ZC2HC1B: variants seen among roughly 807,000 people sequenced by gnomAD.
ZC2HC1B encodes the protein zinc finger C2HC domain-containing protein 1B.
ZC2HC1B carries 36 observed loss-of-function variants against 31.0 expected under a neutral mutation model. That is an observed-to-expected ratio of 1.16 (90% CI 0.89 to 1.54). ZC2HC1B has a LOEUF of 1.54. ZC2HC1B is among the 40% of genes most tolerant of loss of function. The pLI is 0.00. For synonymous variants in ZC2HC1B, 73 were observed against 88.0 expected (o/e 0.83, Z 0.95); for missense variants, 260 against 268.6 (o/e 0.97, Z 0.22).
At position 143,872,290 on chromosome 6, in the gene ZC2HC1B, A is replaced by G. The variant is rs1377593860; in HGVS notation, c.28+7723A>G. Among the ~76,000 whole-genome samples, 2 of 152,166 alleles carry G rather than the reference A, an allele frequency of 1.3e-5. No homozygotes were observed. The highest frequency in any genetic ancestry group is 4.8e-5 in the African/African-American group (2 of 41,446). ...TATAATTCAGATTAGTCTTTTGTCCATTTGACCTAGAAGTTTTCTGCTTAT... is the reference window on the plus strand; with the variant it reads ...TATAATTCAGATTAGTCTTTTGTCCGTTTGACCTAGAAGTTTTCTGCTTAT... On this transcript the variant is annotated intron_variant, in intron 1 of 7. Coordinates refer to ENST00000237275, the MANE Select transcript of ZC2HC1B (RefSeq NM_001013623.3). The surrounding 1 kb of genome is among the most constrained non-coding windows in gnomAD (Gnocchi z 5.5).
intron 1 of ZC2HC1B, among the ~76,000 whole-genome samples, chr6:143,882,234 A>G (rs1777475921): frequency 6.6e-6 from 1 of 150,514 alleles, no homozygotes; most frequent in Non-Finnish European, 1.5e-5. Context: ...ATTATCCTTC[A>G]CTAGTGTTTT....
intron 6 of ZC2HC1B, among the ~76,000 whole-genome samples, chr6:143,937,272 A>G (rs1420311135): frequency 6.6e-6 from 1 of 152,194 alleles, no homozygotes; most frequent in Non-Finnish European, 1.5e-5. Flanking sequence ...AAGTCTTCTC[A>G]TGTGAGAGCT....
intron 6 of ZC2HC1B, among the ~76,000 whole-genome samples, chr6:143,919,641 T>C (rs1283995684): frequency 6.6e-6 from 1 of 152,186 alleles, no homozygotes; most frequent in African/African-American, 2.4e-5. Context: ...ATTTGGGTTC[T>C]TATTTGCCTA....
In ZC2HC1B at chr6:143,884,185, G is replaced by T; in HGVS notation, c.29-119G>T. 1 of 832,762 alleles carries T rather than the reference G, an allele frequency of 1.2e-6. No individual in the cohort carries two copies. Among genetic ancestry groups the T allele is most frequent in the Non-Finnish European group, 1.8e-6 (1 of 555,074 alleles). The allele number at this position is 832,762 out of a possible 1,614,324, so 51.6% of individuals were successfully genotyped here. On this transcript the variant is annotated intron_variant, in intron 1 of 7. Transcript: ENST00000237275. The surrounding 1 kb of genome is among the most constrained non-coding windows in gnomAD (Gnocchi z 5.1). ...GTCTTCCCAAAGGGAAGAAGCAGTT[G>T]GTGGGGAGGGAAAAGAGAGTGAGGA...
At chr6:143,889,817 T>A (rs1350500563) in intron 4 of ZC2HC1B, among the ~76,000 whole-genome samples, 1 of 152,126 alleles carries the variant, frequency 6.6e-6, no homozygotes, top group African/African-American at 2.4e-5. Flanking sequence ...TTTGACCTAA[T>A]TGACATTTAT....
intron 6 of ZC2HC1B, among the ~76,000 whole-genome samples, chr6:143,919,574 T>C (rs1777964428): frequency 1.3e-5 from 2 of 152,128 alleles, no homozygotes; most frequent in Admixed American, 6.5e-5. Context: ...TGTACCTCTT[T>C]GATCAGAAAC....
chr6:143,890,170 A>G (rs1468273720), intron 4 of ZC2HC1B, among the ~76,000 whole-genome samples: 1 of 152,154 alleles, frequency 6.6e-6, no homozygotes, highest in Non-Finnish European at 1.5e-5. Flanking sequence ...AGGGAATTTT[A>G]TAGCTTTAAA....
chr6:143,901,826 C>CT (rs1318178528), intron 5 of ZC2HC1B, among the ~76,000 whole-genome samples: 2 of 152,112 alleles, frequency 1.3e-5, no homozygotes, highest in Non-Finnish European at 2.9e-5. Context: ...AATATGACTA[C>CT]TTTGGGCTTG....
intron 6 of ZC2HC1B, among the ~76,000 whole-genome samples, chr6:143,916,964 G>T (rs1395447390): frequency 6.6e-6 from 1 of 152,216 alleles, no homozygotes; most frequent in Non-Finnish European, 1.5e-5. Context: ...GATTGGTTTT[G>T]AAATGTGAAG....
chr6:143,887,111 C>A lies in ZC2HC1B; in HGVS notation c.349+290C>A, dbSNP rs1777539824. 2.0e-5 allele frequency among the ~76,000 whole-genome samples: 3 copies of A among 152,126 alleles called. No individual in the cohort carries two copies. The highest frequency in any genetic ancestry group is 2.0e-4 in the Admixed American group (3 of 15,272). The stretch of plus-strand genomic sequence containing the variant: ...TATGGAGCTATGCAGAGCAAACTAA[C>A]CAACTCTGCAACAGCCCCATCGTGT... On this transcript the variant is annotated intron_variant, in intron 4 of 7. Coordinates refer to ENST00000237275, the MANE Select transcript of ZC2HC1B (RefSeq NM_001013623.3). This position sits in a 1 kb window ranked among gnomAD's most constrained non-coding sequence, Gnocchi z 5.1.
At position 143,885,628 on chromosome 6, in the gene ZC2HC1B, G is replaced by A. The variant is rs570719314; in HGVS notation, c.91-404G>A. ...ACATCCACGAAGGGAGAGGGCCAAGGTCCCATAGTGGTACAGTAGCACATT... is the reference window on the plus strand; with the variant it reads ...ACATCCACGAAGGGAGAGGGCCAAGATCCCATAGTGGTACAGTAGCACATT... On this transcript the variant is annotated intron_variant, in intron 2 of 7. Transcript: ENST00000237275. The surrounding 1 kb of genome is among the most constrained non-coding windows in gnomAD (Gnocchi z 4.2). Among the ~76,000 whole-genome samples, 39 of 152,170 alleles carry A rather than the reference G, an allele frequency of 2.6e-4. No homozygotes were observed. The highest frequency in any genetic ancestry group is 5.7e-4 in the Non-Finnish European group (39 of 68,030).
rs867795020 is a variant in ZC2HC1B, at chr6:143,881,223, T to G, written c.29-3081T>G. ...GAAGATGGGCTCGTTTCACCCAGCA[T>G]TGAAATCCATCCAGATTATTGCATG... On this transcript the variant is annotated intron_variant, in intron 1 of 7. Coordinates refer to ENST00000237275, the MANE Select transcript of ZC2HC1B (RefSeq NM_001013623.3). 2.6e-5 allele frequency among the ~76,000 whole-genome samples: 4 copies of G among 152,146 alleles called. No individual in the cohort carries two copies. The South Asian group carries it at 8.3e-4, about 31-fold the overall frequency.
intron 6 of ZC2HC1B, among the ~76,000 whole-genome samples, chr6:143,909,213 A>G (rs1022798678): frequency 1.3e-5 from 2 of 151,998 alleles, no homozygotes; most frequent in Non-Finnish European, 2.9e-5. Context: ...CATCAAGGGT[A>G]TTGGCCTGAA....
chr6:143,894,917 T>TA (rs1368993603), intron 4 of ZC2HC1B, among the ~76,000 whole-genome samples: 5 of 152,056 alleles, frequency 3.3e-5, no homozygotes, highest in Non-Finnish European at 7.4e-5. Context: ...ATTGTTTCTC[T>TA]AAAAAAAATT....
chr6:143,873,097 A>G (rs112947149), intron 1 of ZC2HC1B, among the ~76,000 whole-genome samples: 7,392 of 152,298 alleles, frequency 0.049, 466 homozygotes, highest in African/African-American at 0.14. Flanking sequence ...TACTTCCTAG[A>G]TAAAATGAGG....
intron 1 of ZC2HC1B, among the ~76,000 whole-genome samples, chr6:143,874,859 G>T (rs1462604007): frequency 1.3e-5 from 2 of 151,938 alleles, no homozygotes; most frequent in African/African-American, 4.8e-5. Context: ...TTGAGATGAG[G>T]TCTCTTTCTG....
chr6:143,920,708 G>C (rs1469157620), intron 6 of ZC2HC1B, among the ~76,000 whole-genome samples: 3 of 151,972 alleles, frequency 2.0e-5, no homozygotes, highest in Non-Finnish European at 4.4e-5. Flanking sequence ...AGGAGATCGA[G>C]ACCATCCTGG....
Position 143,938,231 on chromosome 6 carries a change from T to G in ZC2HC1B, c.*104T>G, listed in dbSNP as rs1778201157. On this transcript the variant is annotated 3_prime_UTR_variant, in exon 8 of 8. Transcript: ENST00000237275. The surrounding 1 kb of genome is among the most constrained non-coding windows in gnomAD (Gnocchi z 4.2). ...GAACGGTAGATGTGATGTCTGTTTT[T>G]ACACCCTTGATTCTTCTTGAAGCAT... The G allele has an allele frequency of 6.6e-6, 1 of 152,400 alleles. No individual in the cohort carries two copies. Among genetic ancestry groups the G allele is most frequent in the Admixed American group, 6.5e-5 (1 of 15,292 alleles). 9.4% of individuals were successfully genotyped at this position (152,400 alleles called of 1,614,324 possible).
chr6:143,919,900 G>A (rs1315887374), intron 6 of ZC2HC1B, among the ~76,000 whole-genome samples: 1 of 152,028 alleles, frequency 6.6e-6, no homozygotes, highest in Non-Finnish European at 1.5e-5. Flanking sequence ...CAAATTCCTG[G>A]TGCTTCCTAC....
Sources: allele counts gnomAD v4.1 joint callset (sites outside exome capture counted in the v4.1 genomes callset), GRCh38; gene constraint gnomAD v4.1.1; non-coding constraint Gnocchi (gnomAD v3.1); transcripts MANE v1.5; gene names NCBI Gene and HGNC (gene_info 2026-07-23, HGNC 2026-07-21).